Variants in NUP35 observed in about 807,000 individuals in gnomAD.
The protein encoded by NUP35 is nucleoporin NUP35.
NUP35 carries 25 observed loss-of-function variants against 41.5 expected under a neutral mutation model. The ratio of observed to expected loss-of-function variants is 0.60; its 90% CI spans 0.44 to 0.84. The LOEUF is 0.84. NUP35 is among the 40% of genes least tolerant of loss of function. NUP35 has a pLI of 0.00. For synonymous variants in NUP35, 149 were observed against 130.7 expected (o/e 1.14, Z -0.96); for missense variants, 396 against 396.6 (o/e 1.00, Z 0.01).
Position 183,128,457 on chromosome 2 carries a change from G to T in NUP35, c.211G>T (p.Gly71Cys). The T allele has an allele frequency of 6.2e-7, 1 of 1,609,344 alleles. No individual in the cohort carries two copies. The highest frequency in any genetic ancestry group is 8.5e-7 in the Non-Finnish European group (1 of 1,177,118). The stretch of plus-strand genomic sequence containing the variant: ...GGAAATGAGATCACCTTTACTTGCA[G>T]GTAGGTGAATTGCTTAAAATAATTT... ...VMEMRSPLLA[G>C]GSPPQPVVPA... Residue 71 changes from glycine to cysteine, a missense_variant and splice_region_variant, in exon 2 of 9, where the codon GGT becomes TGT. By Grantham distance (159) the Gly-to-Cys change is radical. Coordinates refer to ENST00000295119, the MANE Select transcript of NUP35 (RefSeq NM_138285.5).
At chr2:183,121,925 T>TTATTATTATTATTATTATTATTAC (rs1700073611), upstream of NUP35, among the ~76,000 whole-genome samples, 4 of 149,182 alleles carry the variant, frequency 2.7e-5, no homozygotes, top group Admixed American at 6.7e-5. Context: ...TTTATTATTA[T>TTATTATTATTATTATTATTATTAC]TATTATTATA....
chr2:183,156,822 A>G (rs1197192589), intron 5 of NUP35, among the ~76,000 whole-genome samples: 3 of 152,166 alleles, frequency 2.0e-5, no homozygotes, highest in African/African-American at 7.2e-5. Flanking sequence ...ACTATAAAAG[A>G]ATAATATGTC....
intron 4 of NUP35, among the ~76,000 whole-genome samples, chr2:183,143,110 C>G (rs1457291263): frequency 2.7e-5 from 4 of 146,992 alleles, no homozygotes; most frequent in African/African-American, 1.0e-4. Context: ...GAGCTGAGAT[C>G]GAGCCACTGC....
At chr2:183,133,824 C>T (rs950554268) in intron 4 of NUP35, among the ~76,000 whole-genome samples, 5 of 151,988 alleles carry the variant, frequency 3.3e-5, no homozygotes, top group African/African-American at 1.2e-4. Flanking sequence ...GGAGATTTTC[C>T]AAAATCTATA....
chr2:183,156,560 C>T (rs956765990), intron 5 of NUP35, among the ~76,000 whole-genome samples: 6 of 151,990 alleles, frequency 3.9e-5, no homozygotes, highest in South Asian at 2.1e-4. Flanking sequence ...AGGCTGGTCT[C>T]GAACTCCTGA....
At chr2:183,122,920 G>A (rs1164310026), upstream of NUP35, among the ~76,000 whole-genome samples, 1 of 152,146 alleles carries the variant, frequency 6.6e-6, no homozygotes, top group Non-Finnish European at 1.5e-5. Flanking sequence ...TTTTGAAGAT[G>A]TGATTATTAA....
chr2:183,156,063 GAAATATTC>G (rs1367485108), intron 5 of NUP35, among the ~76,000 whole-genome samples: 1 of 152,130 alleles, frequency 6.6e-6, no homozygotes, highest in Non-Finnish European at 1.5e-5. Flanking sequence ...TTAGGGTTAT[GAAATATTC>G]ATTGTTTTGG....
intron 4 of NUP35, among the ~76,000 whole-genome samples, chr2:183,150,863 T>A (rs1685447047): frequency 6.6e-6 from 1 of 152,238 alleles, no homozygotes; most frequent in Non-Finnish European, 1.5e-5. Flanking sequence ...CTCTCAAATG[T>A]ATAGCCTTAA....
chr2:183,133,630 G>C lies in NUP35; in HGVS notation c.397+7G>C. ...ACATCTACTCCTGGAACAGGTAAGT[G>C]ATTCTTTCTTTTTTTTTTTTTTTTT... On this transcript the variant is annotated splice_region_variant and intron_variant, in intron 4 of 8. Transcript: ENST00000295119. 6.6e-7 allele frequency: 1 copy of C among 1,513,086 alleles called. No homozygotes were observed. Among genetic ancestry groups the C allele is most frequent in the Non-Finnish European group, 8.9e-7 (1 of 1,127,906 alleles). The allele number at this position is 1,513,086 out of a possible 1,614,324, so 93.7% of individuals were successfully genotyped here.
Position 183,159,602 on chromosome 2 carries a change from A to G in NUP35, c.853A>G (p.Thr285Ala). ...ACCTGGAAGTACTCCTAGGATTTCT[A>G]CCATGAGACCTCTTGCTACAGCATA... is the stretch of plus-strand genomic sequence containing the variant. ...TQPGSTPRISTMRPLATAYKA... is the reference protein window; with the variant it reads ...TQPGSTPRISAMRPLATAYKA... Residue 285 changes from threonine to alanine, a missense_variant, in exon 8 of 9, where the codon ACC becomes GCC. Coordinates refer to ENST00000295119, the MANE Select transcript of NUP35 (RefSeq NM_138285.5). 7.4e-6 allele frequency: 12 copies of G among 1,613,480 alleles called. No individual in the cohort carries two copies. Among genetic ancestry groups the G allele is most frequent in the Non-Finnish European group, 1.0e-5 (12 of 1,179,648 alleles).
chr2:183,133,540 C>T, intron 3 of NUP35, 26 bp from the exon 4 acceptor site: 5 of 1,583,656 alleles, frequency 3.2e-6, no homozygotes, highest in African/African-American at 1.4e-5. Flanking sequence ...GCATTTTTAC[C>T]ATAACACTTT....
At chr2:183,159,836 TATC>T (rs1685805861) in intron 8 of NUP35, 184 bp downstream of exon 8, 1 of 483,666 alleles carries the variant, frequency 2.1e-6, no homozygotes, top group Non-Finnish European at 3.5e-6. Context: ...ATTGGAAAGT[TATC>T]ATGAATTAAA....
At chr2:183,120,445 C>CA (rs3029530), upstream of NUP35, among the ~76,000 whole-genome samples, 36,247 of 118,024 alleles carry the variant, frequency 0.31, 5,670 homozygotes, top group African/African-American at 0.42. Flanking sequence ...GACTCCGTCT[C>CA]AAAAAAAAAA....
intron 5 of NUP35, among the ~76,000 whole-genome samples, chr2:183,153,747 C>G (rs1468834859): frequency 3.3e-5 from 5 of 152,110 alleles, no homozygotes; most frequent in African/African-American, 1.2e-4. Context: ...GTCAGTGGAT[C>G]TACCATTCTG....
intron 1 of NUP35, among the ~76,000 whole-genome samples, chr2:183,126,589 T>C (rs548028005): frequency 1.3e-5 from 2 of 152,318 alleles, no homozygotes; most frequent in South Asian, 4.1e-4. Flanking sequence ...TACAATGTAA[T>C]TAGAGTTTTT....
intron 3 of NUP35, chr2:183,131,353 G>C (rs925806): frequency 6.6e-6 from 1 of 152,526 alleles, no homozygotes; most frequent in African/African-American, 2.4e-5. Flanking sequence ...AGTTAAGTTG[G>C]TAAGTTCTTT....
In NUP35 at chr2:183,133,767, ATGTT is replaced by A. The variant is rs1684781252; in HGVS notation, c.397+149_397+152del. ...ATTCTTCGAATGAATTTAATATAAA[ATGTT>A]TGTTGGTAACTGCCAAAATTTTTTA... On this transcript the variant is annotated intron_variant, in intron 4 of 8. Transcript: ENST00000295119. 3 of 539,146 alleles carry A rather than the reference ATGTT, an allele frequency of 5.6e-6. No homozygotes were observed. In the South Asian group the frequency reaches 1.4e-4, roughly 25 times the overall value. 33.4% of individuals were successfully genotyped at this position (539,146 alleles called of 1,614,324 possible).
rs756310507 is a variant in NUP35 at position 183,124,464 on chromosome 2, G to A, written c.7G>A (p.Ala3Thr). The stretch of plus-strand genomic sequence containing the variant: ...AAGTGTAGTTGCCGACGCAATGGCA[G>A]CCTTTGCAGTGGAACCTCAGGGGCC... MA[A>T]FAVEPQGPAL... Residue 3 changes from alanine to threonine, a missense_variant, in exon 1 of 9, where the codon GCC becomes ACC. Transcript: ENST00000295119. The A allele has an allele frequency of 6.2e-7, 1 of 1,614,202 alleles. No homozygotes were observed. Among genetic ancestry groups the A allele is most frequent in the East Asian group, 2.2e-5 (1 of 44,882 alleles).
intron 4 of NUP35, among the ~76,000 whole-genome samples, chr2:183,135,217 C>T (rs1047607368): frequency 3.3e-5 from 5 of 152,178 alleles, no homozygotes; most frequent in Non-Finnish European, 7.3e-5. Flanking sequence ...GGGATTAGGT[C>T]ATGGACATCA....
Sources: allele counts gnomAD v4.1 joint callset (sites outside exome capture counted in the v4.1 genomes callset), GRCh38; gene constraint gnomAD v4.1.1; transcripts MANE v1.5; gene names NCBI Gene and HGNC (gene_info 2026-07-23, HGNC 2026-07-21).